TTC7B: variants seen among roughly 807,000 people sequenced by gnomAD.
TTC7B encodes tetratricopeptide repeat protein 7B.
A neutral mutation model predicts 106.8 loss-of-function variants in TTC7B; 28 were observed. The ratio of observed to expected loss-of-function variants is 0.26; its 90% CI spans 0.19 to 0.36. TTC7B has a LOEUF of 0.36. Among genes scored for constraint, TTC7B ranks in the 10% least tolerant of loss-of-function variants. The pLI is 1.00. For synonymous variants in TTC7B, 405 were observed against 430.6 expected (o/e 0.94, Z 0.74); for missense variants, 862 against 1,076.4 (o/e 0.80, Z 2.79).
chr14:90,738,491 C>T (rs1280904480), intron 4 of TTC7B, among the ~76,000 whole-genome samples: 1 of 152,044 alleles, frequency 6.6e-6, no homozygotes, highest in African/African-American at 2.4e-5. Flanking sequence ...CACCTGTAAT[C>T]CCAGCTACTC....
chr14:90,698,459 C>A (rs1019360437), intron 5 of TTC7B: 2 of 152,202 alleles, frequency 1.3e-5, no homozygotes, highest in African/African-American at 4.8e-5. Flanking sequence ...CAAGGAATCT[C>A]CCAATCTCCC....
intron 19 of TTC7B, among the ~76,000 whole-genome samples, chr14:90,574,359 C>A (rs896855143): frequency 6.6e-6 from 1 of 152,202 alleles, no homozygotes; most frequent in African/African-American, 2.4e-5. Context: ...TTGGCAACTC[C>A]TTATCCCTCT....
intron 15 of TTC7B, among the ~76,000 whole-genome samples, chr14:90,634,984 G>A (rs1884869610): frequency 6.6e-6 from 1 of 152,088 alleles, no homozygotes; most frequent in Non-Finnish European, 1.5e-5. Context: ...AAAAGACAGA[G>A]GACGTTAAAA....
chr14:90,559,694 T>C (rs578146492), intron 19 of TTC7B, among the ~76,000 whole-genome samples: 1 of 152,318 alleles, frequency 6.6e-6, no homozygotes, highest in East Asian at 1.9e-4. Context: ...CACTCTGTTT[T>C]GGGAGAAGGG....
At chr14:90,605,475 G>A (rs963003761) in intron 17 of TTC7B, 11 of 895,270 alleles carry the variant, frequency 1.2e-5, no homozygotes, top group Non-Finnish European at 1.5e-5. Context: ...TTTCAAATGA[G>A]CAAGATTTCT....
intron 1 of TTC7B, among the ~76,000 whole-genome samples, chr14:90,792,262 G>A (rs72695546): frequency 0.042 from 6,465 of 152,172 alleles, 192 homozygotes; most frequent in Non-Finnish European, 0.058. Flanking sequence ...GCCAAGATGT[G>A]GAGAGCGCTC....
intron 15 of TTC7B, 99 bp downstream of exon 15, chr14:90,643,949 G>T (rs1379873838): frequency 2.2e-6 from 3 of 1,362,118 alleles, no homozygotes; most frequent in African/African-American, 2.9e-5. Flanking sequence ...GACTGCCAGG[G>T]TGTCCATGAG....
chr14:90,701,796 GTATATATATATA>G (rs138397501), intron 5 of TTC7B, among the ~76,000 whole-genome samples: 3 of 118,918 alleles, frequency 2.5e-5, no homozygotes, highest in Non-Finnish European at 5.8e-5. Context: ...GTGTGTGTGT[GTATATATATATA>G]TATATATATA....
chr14:90,798,215 C>T (rs1196083450), intron 1 of TTC7B, among the ~76,000 whole-genome samples: 1 of 152,150 alleles, frequency 6.6e-6, no homozygotes, highest in African/African-American at 2.4e-5. Flanking sequence ...ACTCCATAAG[C>T]GTAAGAGAGC....
At chr14:90,799,738 G>A (rs1198280512) in intron 1 of TTC7B, among the ~76,000 whole-genome samples, 2 of 152,214 alleles carry the variant, frequency 1.3e-5, no homozygotes, top group African/African-American at 4.8e-5. Flanking sequence ...GGTAAGCACA[G>A]ACTGTGGCAA....
intron 5 of TTC7B, among the ~76,000 whole-genome samples, chr14:90,699,844 C>G (rs1887916294): frequency 6.6e-6 from 1 of 152,228 alleles, no homozygotes; most frequent in African/African-American, 2.4e-5. Flanking sequence ...GGGACACCGT[C>G]CCTGCCTCAG....
chr14:90,763,407 C>T (rs1890567797), intron 3 of TTC7B, among the ~76,000 whole-genome samples: 1 of 152,166 alleles, frequency 6.6e-6, no homozygotes, highest in Non-Finnish European at 1.5e-5. Flanking sequence ...GAAAACGCCA[C>T]TGCTAACATC....
In TTC7B at chr14:90,538,711, G is replaced by A. The variant is rs1435285307; in HGVS notation, c.*2657C>T. The A allele has an allele frequency of 6.6e-6, 1 of 152,184 alleles. No homozygotes were observed. The highest frequency in any genetic ancestry group is 1.5e-5 in the Non-Finnish European group (1 of 68,044). 9.4% of individuals were successfully genotyped at this position (152,184 alleles called of 1,614,324 possible). ...AGGAGTCTGGAAGAGTGCCCAAGGG[G>A]GGAGTACCAAGGACGGCAGGACTTT... On this transcript the variant is annotated 3_prime_UTR_variant, in exon 20 of 20. Coordinates refer to ENST00000328459, the MANE Select transcript of TTC7B (RefSeq NM_001010854.2).
intron 15 of TTC7B, among the ~76,000 whole-genome samples, chr14:90,627,291 G>C (rs1884487374): frequency 6.6e-6 from 1 of 152,082 alleles, no homozygotes; most frequent in South Asian, 2.1e-4. Flanking sequence ...TGGCCCATGT[G>C]AACACATTTA....
At chr14:90,766,477 G>C in intron 3 of TTC7B, 1 of 658,040 alleles carries the variant, frequency 1.5e-6, no homozygotes, top group South Asian at 1.7e-5. Flanking sequence ...CTAAAAAGAA[G>C]CCAATAAGAA....
intron 3 of TTC7B, among the ~76,000 whole-genome samples, chr14:90,770,296 T>C (rs1189496543): frequency 2.6e-5 from 4 of 152,184 alleles, no homozygotes; most frequent in Admixed American, 6.5e-5. Context: ...ACACATTGAA[T>C]TGAAGGGAGA....
intron 9 of TTC7B, chr14:90,675,866 C>G (rs372597549): frequency 1.3e-5 from 2 of 151,802 alleles, no homozygotes; most frequent in East Asian, 3.9e-4. Context: ...ATTTATTTAG[C>G]CTTACCATGG....
rs572124923 is a variant in TTC7B at position 90,804,258 on chromosome 14, C to T, written c.121+11917G>A. ...CTGAGGCAGGAGAATGGCGTGAACCCGGGAGGCGGAGCTTGCAGTGAGCCA... is the reference window on the plus strand; with the variant it reads ...CTGAGGCAGGAGAATGGCGTGAACCTGGGAGGCGGAGCTTGCAGTGAGCCA... On this transcript the variant is annotated intron_variant, in intron 1 of 19. Coordinates refer to ENST00000328459, the MANE Select transcript of TTC7B (RefSeq NM_001010854.2). Among the ~76,000 whole-genome samples, 710 of 151,616 alleles carry T rather than the reference C, an allele frequency of 4.7e-3. 8 individuals carry two copies. Among genetic ancestry groups the T allele is most frequent in the African/African-American group, 0.016 (678 of 41,306 alleles).
At chr14:90,781,883 C>T (rs1382974424) in intron 2 of TTC7B, among the ~76,000 whole-genome samples, 1 of 152,222 alleles carries the variant, frequency 6.6e-6, no homozygotes, top group Non-Finnish European at 1.5e-5. Context: ...TCCTCCCTGA[C>T]CCGTCCTCCG....
Sources: allele counts gnomAD v4.1 joint callset (sites outside exome capture counted in the v4.1 genomes callset), GRCh38; gene constraint gnomAD v4.1.1; transcripts MANE v1.5; gene names NCBI Gene and HGNC (gene_info 2026-07-23, HGNC 2026-07-21).